TTLL5: variants seen among roughly 807,000 people sequenced by gnomAD.
The protein encoded by TTLL5 is tubulin polyglutamylase TTLL5.
In TTLL5, 132 loss-of-function variants were observed where a neutral mutation model predicts 168.4. That is an observed-to-expected ratio of 0.78 (90% CI 0.68 to 0.91). The LOEUF is 0.91. Ranked by LOEUF, TTLL5 falls within the 40% of genes least tolerant of loss-of-function variation. The pLI, the probability that TTLL5 is intolerant of heterozygous loss-of-function variation, is 0.00. For synonymous variants in TTLL5, 546 were observed against 558.6 expected (o/e 0.98, Z 0.32); for missense variants, 1,545 against 1,581.5 (o/e 0.98, Z 0.39).
chr14:75,790,835 G>A (rs1156509230), intron 26 of TTLL5, among the ~76,000 whole-genome samples: 4 of 149,590 alleles, frequency 2.7e-5, no homozygotes, highest in African/African-American at 4.9e-5. Context: ...GGTGGCTCAC[G>A]CTTGTAATCC....
At chr14:75,849,388 T>C (rs574136556) in intron 28 of TTLL5, among the ~76,000 whole-genome samples, 1 of 152,382 alleles carries the variant, frequency 6.6e-6, no homozygotes, top group East Asian at 1.9e-4. Context: ...GCAGTTCTTA[T>C]GATGGCTAAT....
At chr14:75,717,803 C>T in intron 9 of TTLL5, 58 bp from the exon 10 acceptor site, 1 of 1,512,096 alleles carries the variant, frequency 6.6e-7, no homozygotes, top group Non-Finnish European at 9.2e-7. Flanking sequence ...TCCTCAGTTC[C>T]AGCCTGTATT....
intron 28 of TTLL5, among the ~76,000 whole-genome samples, chr14:75,847,316 T>G (rs1896600319): frequency 6.6e-6 from 1 of 152,042 alleles, no homozygotes; most frequent in Non-Finnish European, 1.5e-5. Flanking sequence ...TTTCTTTTTT[T>G]TATCACATTA....
chr14:75,801,167 A>G (rs1893295486), intron 27 of TTLL5, among the ~76,000 whole-genome samples: 1 of 152,138 alleles, frequency 6.6e-6, no homozygotes, highest in African/African-American at 2.4e-5. Context: ...AGGCATGCCC[A>G]AGCTCAGAGA....
intron 28 of TTLL5, among the ~76,000 whole-genome samples, chr14:75,837,605 C>T (rs188570221): frequency 3.8e-4 from 58 of 152,054 alleles, no homozygotes; most frequent in South Asian, 8.3e-4. Flanking sequence ...TACATTCTTC[C>T]CTCCCCCCAA....
intron 31 of TTLL5, among the ~76,000 whole-genome samples, chr14:75,910,478 G>T (rs775333355): frequency 6.6e-6 from 1 of 152,148 alleles, no homozygotes; most frequent in African/African-American, 2.4e-5. Flanking sequence ...ATCACTCCAG[G>T]TTATCGATCT....
intron 30 of TTLL5, among the ~76,000 whole-genome samples, chr14:75,898,197 T>C (rs1459709811): frequency 6.6e-6 from 1 of 152,202 alleles, no homozygotes; most frequent in African/African-American, 2.4e-5. Flanking sequence ...AGAGAGAAAT[T>C]GATTGTAATT....
At chr14:75,675,003 G>A (rs1474243783) in intron 3 of TTLL5, among the ~76,000 whole-genome samples, 3 of 151,318 alleles carry the variant, frequency 2.0e-5, no homozygotes, top group Non-Finnish European at 4.4e-5. Flanking sequence ...GGAAATATTC[G>A]GTCTATATTT....
intron 15 of TTLL5, among the ~76,000 whole-genome samples, chr14:75,736,839 G>C (rs915045446): frequency 2.0e-4 from 30 of 152,280 alleles, no homozygotes; most frequent in African/African-American, 6.0e-4. Flanking sequence ...TCAGTTACCA[G>C]GGTTGTACTT....
At chr14:75,927,423 T>G (rs573557782) in intron 31 of TTLL5, among the ~76,000 whole-genome samples, 2 of 152,300 alleles carry the variant, frequency 1.3e-5, no homozygotes, top group Admixed American at 1.3e-4. Context: ...ATGAGTGAAT[T>G]TTATTAATAT....
At chr14:75,947,671 A>G (rs2034817744) in intron 31 of TTLL5, among the ~76,000 whole-genome samples, 1 of 152,226 alleles carries the variant, frequency 6.6e-6, no homozygotes, top group African/African-American at 2.4e-5. Context: ...GAGGCTGTGC[A>G]TAGTGGTTCA....
intron 12 of TTLL5, among the ~76,000 whole-genome samples, chr14:75,728,574 T>A (rs1465471235): frequency 1.3e-5 from 2 of 152,162 alleles, no homozygotes; most frequent in African/African-American, 2.4e-5. Context: ...TGTTGAGTGT[T>A]GAATACCTGT....
chr14:75,677,340 A>C (rs1049955361), intron 3 of TTLL5, among the ~76,000 whole-genome samples: 7 of 150,938 alleles, frequency 4.6e-5, no homozygotes, highest in Admixed American at 1.3e-4. Context: ...TGGTAGAATC[A>C]GGGTTTGAAC....
chr14:75,840,306 C>T (rs1275861024), intron 28 of TTLL5, among the ~76,000 whole-genome samples: 1 of 152,060 alleles, frequency 6.6e-6, no homozygotes, highest in African/African-American at 2.4e-5. Context: ...TATACATGTG[C>T]CATGGTGGTT....
intron 7 of TTLL5, among the ~76,000 whole-genome samples, chr14:75,700,201 C>T (rs1428056237): frequency 3.9e-5 from 6 of 152,122 alleles, no homozygotes; most frequent in South Asian, 4.1e-4. Context: ...AGAGGGCCCC[C>T]GCTACCACCA....
chr14:75,875,302 G>A (rs1383560716), intron 29 of TTLL5, among the ~76,000 whole-genome samples: 1 of 150,150 alleles, frequency 6.7e-6, no homozygotes, highest in Non-Finnish European at 1.5e-5. Flanking sequence ...CCAGCATTTT[G>A]GGAGGCTGAG....
At chr14:75,853,242 G>A (rs1176434660) in intron 28 of TTLL5, among the ~76,000 whole-genome samples, 1 of 152,174 alleles carries the variant, frequency 6.6e-6, no homozygotes, top group African/African-American at 2.4e-5. Context: ...CTTCATGCCA[G>A]TTTACTGGGT....
At chr14:75,821,318 G>A (rs1894818479) in intron 28 of TTLL5, among the ~76,000 whole-genome samples, 1 of 152,178 alleles carries the variant, frequency 6.6e-6, no homozygotes, top group Non-Finnish European at 1.5e-5. Context: ...ACTTTTTAAA[G>A]CAGAGCATCC....
chr14:75,760,603 C>G (rs1263363682), intron 18 of TTLL5, among the ~76,000 whole-genome samples: 1 of 151,914 alleles, frequency 6.6e-6, no homozygotes, highest in Non-Finnish European at 1.5e-5. Flanking sequence ...TATTGGCAAA[C>G]TGATCACATT....
Sources: allele counts gnomAD v4.1 joint callset (sites outside exome capture counted in the v4.1 genomes callset), GRCh38; gene constraint gnomAD v4.1.1; transcripts MANE v1.5; gene names NCBI Gene and HGNC (gene_info 2026-07-23, HGNC 2026-07-21).